Variants in CDC37L1 observed in about 807,000 individuals in gnomAD.
CDC37L1 encodes cell division cycle 37 like 1, HSP90 cochaperone.
Under a neutral mutation model 45.9 loss-of-function variants are expected in CDC37L1, and 32 were observed. That is an observed-to-expected ratio of 0.70 (90% CI 0.53 to 0.94). CDC37L1 has a LOEUF of 0.94. CDC37L1 is among the 40% of genes least tolerant of loss of function. The pLI is 0.00. For synonymous variants in CDC37L1, 150 were observed against 133.0 expected, an observed-to-expected ratio of 1.13 and a Z score of -0.88; for missense variants, 434 against 405.7, an observed-to-expected ratio of 1.07 and a Z score of -0.60.
intron 6 of CDC37L1, chr9:4,703,086 G>C: frequency 6.5e-7 from 1 of 1,540,674 alleles, no homozygotes; most frequent in Non-Finnish European, 8.8e-7. Context: ...TCATTTCCAG[G>C]CTCCAAGATT....
chr9:4,707,741 T>C lies in CDC37L1; in HGVS notation c.*1629T>C, dbSNP rs1841458575. 1 of 152,192 alleles carries C rather than the reference T, an allele frequency of 6.6e-6. No individual in the cohort carries two copies. The highest frequency in any genetic ancestry group is 1.5e-5 in the Non-Finnish European group (1 of 68,040). 9.4% of individuals were successfully genotyped at this position (152,192 alleles called of 1,614,324 possible). Reference sequence around the variant, plus strand: ...AGTCGTAGACATTTTTTTCTTTTTGTTCTGTTCTGAAGCAAGCTCTTATTT... The same window carrying C: ...AGTCGTAGACATTTTTTTCTTTTTGCTCTGTTCTGAAGCAAGCTCTTATTT... On this transcript the variant is annotated 3_prime_UTR_variant, in exon 7 of 7. Transcript: ENST00000381854.
chr9:4,688,068 G>C (rs1220647576), intron 2 of CDC37L1, among the ~76,000 whole-genome samples: 1 of 152,194 alleles, frequency 6.6e-6, no homozygotes, highest in Non-Finnish European at 1.5e-5. Flanking sequence ...CATGATCTCA[G>C]CTCACTACAA....
At chr9:4,696,080 C>T (rs1306860917) in intron 3 of CDC37L1, among the ~76,000 whole-genome samples, 1 of 152,208 alleles carries the variant, frequency 6.6e-6, no homozygotes, top group Non-Finnish European at 1.5e-5. Context: ...GCCACCGTGG[C>T]TGGCCCCACC....
chr9:4,697,050 A>G (rs1306927534), intron 3 of CDC37L1, 46 bp from the exon 4 acceptor site: 4 of 812,696 alleles, frequency 4.9e-6, no homozygotes, highest in Non-Finnish European at 8.4e-6. Flanking sequence ...CCTTATGGGA[A>G]GAAAGAAAAT....
At chr9:4,694,798 A>G (rs961681410) in intron 3 of CDC37L1, among the ~76,000 whole-genome samples, 1 of 152,140 alleles carries the variant, frequency 6.6e-6, no homozygotes, top group African/African-American at 2.4e-5. Flanking sequence ...TGAACCCAGG[A>G]GGTGGAGGTT....
At chr9:4,695,948 A>G (rs1841343859) in intron 3 of CDC37L1, among the ~76,000 whole-genome samples, 1 of 152,006 alleles carries the variant, frequency 6.6e-6, no homozygotes, top group African/African-American at 2.4e-5. Context: ...ACCATGCCCA[A>G]CTAATTTTTA....
rs368670464 is a variant in CDC37L1, at chr9:4,701,832, A to C, written c.748-32A>C. ...ACTATGTCTAGAAATCTTGAAGAAC[A>C]CAGTCTTTGTTTTTTTTTTTGTTTT... On this transcript the variant is annotated intron_variant, in intron 5 of 6. Transcript: ENST00000381854. 4 of 1,492,806 alleles carry C rather than the reference A, an allele frequency of 2.7e-6. No individual in the cohort carries two copies. In the East Asian group the frequency reaches 7.0e-5, roughly 26 times the overall value. 92.5% of individuals were successfully genotyped at this position (1,492,806 alleles called of 1,614,324 possible).
chr9:4,686,884 T>G (rs556170321), intron 2 of CDC37L1, among the ~76,000 whole-genome samples: 32 of 152,332 alleles, frequency 2.1e-4, no homozygotes, highest in African/African-American at 7.7e-4. Flanking sequence ...TCCAATGATG[T>G]AGTGCCAAAA....
intron 6 of CDC37L1, among the ~76,000 whole-genome samples, chr9:4,702,636 C>A (rs927083413): frequency 6.6e-6 from 1 of 151,928 alleles, no homozygotes; most frequent in Non-Finnish European, 1.5e-5. Flanking sequence ...AATCCCAGCA[C>A]TTTGGAAGGC....
chr9:4,701,841 G>GT (rs71497545), intron 5 of CDC37L1, 23 bp from the exon 6 acceptor site: 19,650 of 1,301,470 alleles, frequency 0.015, 1 homozygote, highest in South Asian at 0.016. Flanking sequence ...CACAGTCTTT[G>GT]TTTTTTTTTT....
At chr9:4,681,608 C>T (rs1472171658) in intron 1 of CDC37L1, among the ~76,000 whole-genome samples, 2 of 152,108 alleles carry the variant, frequency 1.3e-5, no homozygotes, top group Admixed American at 1.3e-4. Context: ...TGCATTCCAG[C>T]CTGGGCAACA....
At chr9:4,681,700 C>A (rs576420359) in intron 1 of CDC37L1, among the ~76,000 whole-genome samples, 1 of 152,156 alleles carries the variant, frequency 6.6e-6, no homozygotes, top group Non-Finnish European at 1.5e-5. Flanking sequence ...TATTACAAAC[C>A]TACTTATTGG....
At chr9:4,683,174 G>A (rs1286327687) in intron 1 of CDC37L1, among the ~76,000 whole-genome samples, 1 of 146,418 alleles carries the variant, frequency 6.8e-6, no homozygotes, top group African/African-American at 2.5e-5. Context: ...TAGGGACATG[G>A]TTTATAGTAC....
chr9:4,706,873 G>C lies in CDC37L1; in HGVS notation c.*761G>C, dbSNP rs1841448143. 6.6e-6 allele frequency: 1 copy of C among 152,102 alleles called. No homozygotes were observed. The allele number at this position is 152,102 out of a possible 1,614,324, so 9.4% of individuals were successfully genotyped here. Reference sequence around the variant, plus strand: ...TTCAAGCTCACTCTTTCTTAACATAGTCTGGGATCTCTCAGGGAGTAAGTT... The same window carrying C: ...TTCAAGCTCACTCTTTCTTAACATACTCTGGGATCTCTCAGGGAGTAAGTT... On this transcript the variant is annotated 3_prime_UTR_variant, in exon 7 of 7. Coordinates refer to ENST00000381854, the MANE Select transcript of CDC37L1 (RefSeq NM_017913.4).
chr9:4,688,586 A>C lies in CDC37L1; in HGVS notation c.488A>C (p.Glu163Ala), dbSNP rs1368182860. The C allele has an allele frequency of 1.3e-6, 2 of 1,523,600 alleles. No individual in the cohort carries two copies. Among genetic ancestry groups the C allele is most frequent in the East Asian group, 4.8e-5 (2 of 41,728 alleles). 94.4% of individuals were successfully genotyped at this position (1,523,600 alleles called of 1,614,324 possible). A position where few individuals can be genotyped will look rare whatever the true frequency, so the allele number is the denominator to read the frequency against. Residue 163 changes from glutamate to alanine, a missense_variant, in exon 3 of 7, where the codon GAG (glutamate) becomes GCG (alanine). By Grantham distance (107) the Glu-to-Ala change is moderately radical (BLOSUM62 -1). Transcript: ENST00000381854. ...DKSESFMQKY[E>A]QKIRHFGMLS... Reference sequence around the variant, plus strand: ...TCAGAATCATTTATGCAAAAATATGAGCAAAAAATCAGACATTTTGGTAAG... The same window carrying C: ...TCAGAATCATTTATGCAAAAATATGCGCAAAAAATCAGACATTTTGGTAAG...
intron 6 of CDC37L1, chr9:4,703,055 T>TTA (rs1222545632): frequency 6.5e-7 from 1 of 1,537,804 alleles, no homozygotes; most frequent in South Asian, 1.2e-5. Flanking sequence ...TAGTAGCACT[T>TTA]TAATAGAGCC....
intron 3 of CDC37L1, among the ~76,000 whole-genome samples, chr9:4,690,415 G>C (rs979893892): frequency 1.3e-5 from 2 of 152,124 alleles, no homozygotes; most frequent in African/African-American, 4.8e-5. Context: ...GTGCCGTATT[G>C]AGATTTTGGT....
chr9:4,703,079 T>C (rs1298851950), intron 6 of CDC37L1: 16 of 1,542,386 alleles, frequency 1.0e-5, no homozygotes, highest in Non-Finnish European at 1.3e-5. Context: ...TCATCTCTCA[T>C]TTCCAGGCTC....
At chr9:4,690,260 T>C (rs1841288352) in intron 3 of CDC37L1, among the ~76,000 whole-genome samples, 1 of 152,238 alleles carries the variant, frequency 6.6e-6, no homozygotes, top group Non-Finnish European at 1.5e-5. Flanking sequence ...GATGTATTAC[T>C]GATTAGAAGC....
Sources: gnomAD v4.1 joint callset for allele counts (sites outside exome capture counted in the v4.1 genomes callset) on GRCh38, gnomAD v4.1.1 for gene constraint, MANE v1.5 for transcripts, NCBI Gene and HGNC (gene_info 2026-07-23, HGNC 2026-07-21) for gene names.